USP1: variants seen among roughly 807,000 people sequenced by gnomAD.
The protein encoded by USP1 is ubiquitin specific peptidase 1.
Under a neutral mutation model 72.2 loss-of-function variants are expected in USP1, and 18 were observed. The ratio of observed to expected loss-of-function variants is 0.25; its 90% CI spans 0.17 to 0.37. The LOEUF (loss-of-function observed/expected upper bound fraction) is 0.37, where lower values mean the gene tolerates loss of function less well. Ranked by LOEUF, USP1 falls within the 10% of genes least tolerant of loss-of-function variation. The pLI, the probability that USP1 is intolerant of heterozygous loss-of-function variation, is 1.00. For synonymous variants in USP1, 354 were observed against 303.7 expected (o/e 1.17, Z -1.72); for missense variants, 759 against 884.9 (o/e 0.86, Z 1.81).
At chr1:62,445,645 T>G (rs1029568230) in intron 6 of USP1, among the ~76,000 whole-genome samples, 2 of 152,148 alleles carry the variant, frequency 1.3e-5, no homozygotes, top group Non-Finnish European at 2.9e-5. Flanking sequence ...TGTGTGTGTG[T>G]GTAATGTCAT....
intron 1 of USP1, among the ~76,000 whole-genome samples, chr1:62,438,004 A>G (rs923504415): frequency 6.6e-6 from 1 of 152,236 alleles, no homozygotes; most frequent in East Asian, 1.9e-4. Context: ...GCGAAAGTTG[A>G]TTTAGTTACA....
At chr1:62,445,519 C>T in intron 6 of USP1, 90 bp downstream of exon 6, 1 of 1,219,484 alleles carries the variant, frequency 8.2e-7, no homozygotes, top group African/African-American at 1.5e-5. Context: ...ACAATATAAT[C>T]TCTGGCTAAA....
chr1:62,440,172 T>A, intron 2 of USP1, 135 bp downstream of exon 2: 1 of 682,010 alleles, frequency 1.5e-6, no homozygotes, highest in Non-Finnish European at 2.1e-6. Flanking sequence ...TAGTCAAATC[T>A]AGCAGTTTAT....
Position 62,450,681 on chromosome 1 carries a change from T to C in USP1, c.2058T>C (p.Asn686=), listed in dbSNP as rs962598405. The change falls in exon 9 of 9, where the codon AAT becomes AAC. Residue 686 remains asparagine (N), a synonymous_variant. Coordinates refer to ENST00000339950, the MANE Select transcript of USP1 (RefSeq NM_003368.5). The part of the protein sequence containing the change: ...ADYELYNKAS[N]PDKVASTAFA... ...ATGAGCTATACAACAAAGCCTCTAATCCTGATAAGGTTGCTAGTACAGCGT... is the reference window on the plus strand; with the variant it reads ...ATGAGCTATACAACAAAGCCTCTAACCCTGATAAGGTTGCTAGTACAGCGT... The C allele has an allele frequency of 3.7e-6, 6 of 1,614,040 alleles. No homozygotes were observed. In the African/African-American group the frequency reaches 8.0e-5, roughly 22 times the overall value.
chr1:62,450,272 C>A lies in USP1; in HGVS notation c.1649C>A (p.Ser550Tyr). ...LEFDCYGGGL[S>Y]KINTPLLTPL... The stretch of plus-strand genomic sequence containing the variant: ...TTTGATTGTTATGGTGGTGGACTTT[C>A]CAAGATCAACACTCCTTTATTGACA... Residue 550 changes from serine to tyrosine, a missense_variant, in exon 9 of 9, where the codon TCC (serine) becomes TAC (tyrosine). Ser to Tyr is a moderately radical substitution (Grantham distance 144). Coordinates refer to ENST00000339950, the MANE Select transcript of USP1 (RefSeq NM_003368.5). 6.2e-7 allele frequency: 1 copy of A among 1,613,242 alleles called. No individual in the cohort carries two copies. Among genetic ancestry groups the A allele is most frequent in the South Asian group, 1.1e-5 (1 of 91,046 alleles).
At chr1:62,437,445 C>T (rs902776909) in intron 1 of USP1, 45 bp downstream of exon 1, 1 of 339,658 alleles carries the variant, frequency 2.9e-6, no homozygotes, top group South Asian at 1.5e-4. Context: ...GGCGCGGGGG[C>T]AAGTTCGGCC....
At chr1:62,446,823 A>T (rs1453208232) in intron 6 of USP1, among the ~76,000 whole-genome samples, 5 of 151,030 alleles carry the variant, frequency 3.3e-5, no homozygotes, top group African/African-American at 4.9e-5. Flanking sequence ...TATTTTTTTT[A>T]TTTTTTTGGA....
rs766592888 is a variant in USP1 at position 62,447,384 on chromosome 1, A to G, written c.1293A>G (p.Gln431=). Residue 431 remains glutamine (Q), a synonymous_variant, in exon 7 of 9, where the codon CAA becomes CAG. Coordinates refer to ENST00000339950, the MANE Select transcript of USP1 (RefSeq NM_003368.5). ...TTGAGCTAGTGGAGAAATTATTTCA[A>G]GGTCAGCTGGTATTAAGGACGCGTT... is the stretch of plus-strand genomic sequence containing the variant. The part of the protein sequence containing the change: ...IGFELVEKLF[Q]GQLVLRTRCL... 2 of 1,613,150 alleles carry G rather than the reference A, an allele frequency of 1.2e-6. No individual in the cohort carries two copies. Among genetic ancestry groups the G allele is most frequent in the Middle Eastern group, 1.7e-4 (1 of 6,050 alleles).
chr1:62,445,043 A>T lies in USP1; in HGVS notation c.863A>T (p.Lys288Met), dbSNP rs955894750. The change falls in exon 6 of 9, where the codon AAG (lysine) becomes ATG (methionine). Residue 288 changes from lysine (K) to methionine (M), a missense_variant. Lys to Met is a moderately conservative substitution (Grantham distance 95). This residue lies in a region of USP1 where 245 missense variants were observed against 240.7 expected (regional missense o/e 1.02). Transcript: ENST00000339950. ...ATGAAGAAAAAAGTTAAATTATCCA[A>T]GGAACACCAGTCATTGGAAGAGAAC... ...GNMKKKVKLS[K>M]EHQSLEENQR... 1.2e-5 allele frequency: 20 copies of T among 1,613,068 alleles called. No homozygotes were observed. Among genetic ancestry groups the T allele is most frequent in the Non-Finnish European group, 1.5e-5 (18 of 1,179,784 alleles).
chr1:62,448,052 C>T (rs1256424114), intron 7 of USP1, among the ~76,000 whole-genome samples: 1 of 152,174 alleles, frequency 6.6e-6, no homozygotes, highest in Non-Finnish European at 1.5e-5. Context: ...TCCCAAAGTG[C>T]TGGGATTACA....
At chr1:62,442,763 G>T (rs1645142583) in intron 4 of USP1, among the ~76,000 whole-genome samples, 1 of 152,170 alleles carries the variant, frequency 6.6e-6, no homozygotes, top group African/African-American at 2.4e-5. Flanking sequence ...AGTTTGGGAG[G>T]TCAAGGTGGG....
At chr1:62,439,080 C>T (rs143566560) in intron 1 of USP1, among the ~76,000 whole-genome samples, 292 of 152,280 alleles carry the variant, frequency 1.9e-3, no homozygotes, top group Non-Finnish European at 3.6e-3. Context: ...ACTCATCGTC[C>T]AGCACTACTT....
chr1:62,447,662 T>A, intron 7 of USP1, 151 bp downstream of exon 7: 1 of 797,040 alleles, frequency 1.3e-6, no homozygotes, highest in Non-Finnish European at 1.9e-6. Context: ...TGGCTTCACT[T>A]ATAAATGGTT....
In USP1 at chr1:62,443,334, A is replaced by G. The variant is rs1295590046; in HGVS notation, c.557+15A>G. 2 of 1,577,530 alleles carry G rather than the reference A, an allele frequency of 1.3e-6. No individual in the cohort carries two copies. The highest frequency in any genetic ancestry group is 4.5e-5 in the East Asian group (2 of 44,164). On this transcript the variant is annotated intron_variant, in intron 5 of 8. Coordinates refer to ENST00000339950, the MANE Select transcript of USP1 (RefSeq NM_003368.5). ...AACACACTGAGGTATAGCCTATAATATAATTTTAGGGTTTCAATTTAGCTA... is the reference window on the plus strand; with the variant it reads ...AACACACTGAGGTATAGCCTATAATGTAATTTTAGGGTTTCAATTTAGCTA...
In USP1 at chr1:62,451,039, T is replaced by C; in HGVS notation, c.*58T>C. ...CACACCCATACAAACATTGGTAAAG[T>C]TGATTACATCAAAGAATCTTTAGCT... On this transcript the variant is annotated 3_prime_UTR_variant, in exon 9 of 9. Coordinates refer to ENST00000339950, the MANE Select transcript of USP1 (RefSeq NM_003368.5). 6.9e-7 allele frequency: 1 copy of C among 1,450,920 alleles called. No homozygotes were observed. Among genetic ancestry groups the C allele is most frequent in the Non-Finnish European group, 9.2e-7 (1 of 1,092,830 alleles). The allele number at this position is 1,450,920 out of a possible 1,614,324, so 89.9% of individuals were successfully genotyped here. A position where few individuals can be genotyped will look rare whatever the true frequency, so the allele number is the denominator to read the frequency against.
In USP1 at chr1:62,450,324, G is replaced by GAGC. The variant is rs1439518425; in HGVS notation, c.1703_1705dup (p.Ser568dup). The GAGC allele has an allele frequency of 6.2e-7, 1 of 1,613,972 alleles. No individual in the cohort carries two copies. Among genetic ancestry groups the GAGC allele is most frequent in the Non-Finnish European group, 8.5e-7 (1 of 1,180,012 alleles). On this transcript the variant is annotated inframe_insertion, in exon 9 of 9. Transcript: ENST00000339950. ...CTCTTAAATTGTCACTAGAAGAATGGAGCACAAAGCCAACTAACGACAGCT... is the reference window on the plus strand; with the variant it reads ...CTCTTAAATTGTCACTAGAAGAATGGAGCAGCACAAAGCCAACTAACGACAGCT...
At chr1:62,436,734 A>G, upstream of USP1, 1 of 173,434 alleles carries the variant, frequency 5.8e-6, no homozygotes, top group Admixed American at 6.3e-5. Flanking sequence ...AATGGTTAAA[A>G]AAAGGGTGTG....
At chr1:62,445,903 C>T (rs1418455514) in intron 6 of USP1, among the ~76,000 whole-genome samples, 1 of 152,118 alleles carries the variant, frequency 6.6e-6, no homozygotes, top group Non-Finnish European at 1.5e-5. Context: ...CGCCTGAACC[C>T]GGGAGGTGGA....
chr1:62,450,306 A>T lies in USP1; in HGVS notation c.1683A>T (p.Lys561Asn). 6.2e-7 allele frequency: 1 copy of T among 1,614,148 alleles called. No homozygotes were observed. Among genetic ancestry groups the T allele is most frequent in the African/African-American group, 1.3e-5 (1 of 75,042 alleles). Residue 561 changes from lysine (K) to asparagine (N), a missense_variant, in exon 9 of 9, where the codon AAA becomes AAT. Transcript: ENST00000339950. Reference protein sequence around the residue: ...KINTPLLTPLKLSLEEWSTKP... With the variant: ...KINTPLLTPLNLSLEEWSTKP... The stretch of plus-strand genomic sequence containing the variant: ...ACACTCCTTTATTGACACCTCTTAA[A>T]TTGTCACTAGAAGAATGGAGCACAA...
Sources: gnomAD v4.1 joint callset for allele counts (sites outside exome capture counted in the v4.1 genomes callset) on GRCh38, gnomAD v4.1.1 for gene constraint, gnomAD v4.1.1 regional missense constraint, MANE v1.5 for transcripts, NCBI Gene and HGNC (gene_info 2026-07-23, HGNC 2026-07-21) for gene names.